Variants in ASTN2 observed in about 807,000 individuals in gnomAD.
ASTN2 encodes the protein astrotactin-2.
Under a neutral mutation model 139.8 loss-of-function variants are expected in ASTN2, and 54 were observed. The ratio of observed to expected loss-of-function variants is 0.39; its 90% CI spans 0.31 to 0.48. ASTN2 has a LOEUF of 0.48. Ranked by LOEUF, ASTN2 falls within the 20% of genes least tolerant of loss-of-function variation. The pLI, the probability that ASTN2 is intolerant of heterozygous loss-of-function variation, is 0.95. For synonymous variants in ASTN2, 756 were observed against 719.5 expected (o/e 1.05, Z -0.81); for missense variants, 1,565 against 1,725.1 (o/e 0.91, Z 1.64).
At chr9:117,051,535 T>A (rs1213995019) in intron 5 of ASTN2, among the ~76,000 whole-genome samples, 1 of 152,276 alleles carries the variant, frequency 6.6e-6, no homozygotes, top group East Asian at 1.9e-4. Context: ...CCTACAACTA[T>A]AACCAGCTGA....
rs1295776252 is a variant in ASTN2 at position 117,234,113 on chromosome 9, A to C, written c.631-19371T>G. On this transcript the variant is annotated intron_variant, in intron 2 of 22. Coordinates refer to ENST00000313400, the MANE Select transcript of ASTN2 (RefSeq NM_001365068.1). ...CAAAAGCTGAGCAGCAGAAAGGGGG[A>C]GTTAGATGAGATGGTATGGACTATG... is the stretch of plus-strand genomic sequence containing the variant. Among the ~76,000 whole-genome samples, 4 of 151,906 alleles carry C rather than the reference A, an allele frequency of 2.6e-5. No individual in the cohort carries two copies. In the East Asian group the frequency reaches 7.7e-4, roughly 29 times the overall value.
intron 11 of ASTN2, among the ~76,000 whole-genome samples, chr9:116,856,880 T>C (rs572661792): frequency 5.7e-4 from 87 of 152,202 alleles, no homozygotes; most frequent in Non-Finnish European, 1.1e-3. Flanking sequence ...GGCTAAGAAC[T>C]GACCACAGAG....
rs142504802 is a variant in ASTN2, at chr9:116,812,474, T to C, written c.2208-6654A>G. Among the ~76,000 whole-genome samples the C allele has an allele frequency of 7.4e-3, 1,122 of 152,234 alleles. 4 individuals carry two copies. The highest frequency in any genetic ancestry group is 0.011 in the Non-Finnish European group (781 of 68,002). On this transcript the variant is annotated intron_variant, in intron 12 of 22. Coordinates refer to ENST00000313400, the MANE Select transcript of ASTN2 (RefSeq NM_001365068.1). ...AATGAATGCAGATGCTCCCTAGCAG[T>C]TGGAAAAGGCAAGGAAATAGATCTT...
intron 1 of ASTN2, among the ~76,000 whole-genome samples, chr9:117,300,105 A>G (rs1310627246): frequency 6.6e-6 from 1 of 152,226 alleles, no homozygotes; most frequent in Non-Finnish European, 1.5e-5. Context: ...TCATCCAACG[A>G]CATACTTCAT....
intron 19 of ASTN2, among the ~76,000 whole-genome samples, chr9:116,509,097 G>C (rs1006464797): frequency 6.6e-6 from 1 of 152,120 alleles, no homozygotes; most frequent in Non-Finnish European, 1.5e-5. Flanking sequence ...CCATGTTGGT[G>C]TGCTGCACCC....
intron 7 of ASTN2, among the ~76,000 whole-genome samples, chr9:116,987,437 C>T (rs2132545793): frequency 6.6e-6 from 1 of 152,290 alleles, no homozygotes; most frequent in Non-Finnish European, 1.5e-5. Flanking sequence ...CAGGGCAACC[C>T]TTTCCACTGG....
chr9:117,226,614 T>TTTGTTTG (rs10646862), intron 2 of ASTN2, among the ~76,000 whole-genome samples: 16 of 148,070 alleles, frequency 1.1e-4, no homozygotes, highest in African/African-American at 3.7e-4. Flanking sequence ...TGTTTGTTTG[T>TTTGTTTG]TTTTTTAACA....
intron 10 of ASTN2, among the ~76,000 whole-genome samples, chr9:116,926,451 T>C (rs1834757940): frequency 6.6e-6 from 1 of 152,214 alleles, no homozygotes; most frequent in Non-Finnish European, 1.5e-5. Context: ...CCTCCTTCTT[T>C]TTGGTCCCTG....
At chr9:117,216,270 TG>T (rs1832316286) in intron 2 of ASTN2, among the ~76,000 whole-genome samples, 2 of 152,226 alleles carry the variant, frequency 1.3e-5, no homozygotes, top group Non-Finnish European at 2.9e-5. Flanking sequence ...ATGTTCTATT[TG>T]CAAGACCCTC....
At chr9:116,641,454 A>G (rs1367369945) in intron 17 of ASTN2, among the ~76,000 whole-genome samples, 3 of 152,108 alleles carry the variant, frequency 2.0e-5, no homozygotes, top group Non-Finnish European at 4.4e-5. Flanking sequence ...GGAAAAAAGG[A>G]TAATAATAGC....
rs192537260 is a variant in ASTN2 at position 117,270,947 on chromosome 9, T to A, written c.630+20379A>T. 4.5e-4 allele frequency among the ~76,000 whole-genome samples: 69 copies of A among 152,332 alleles called. 1 individual carries two copies. The East Asian group carries it at 0.011, about 24-fold the overall frequency. ...ACATGAAAATCCTTGTTTTCTAAGA[T>A]CTTCTCTTCAAAGCTTCTCACTCAG... On this transcript the variant is annotated intron_variant, in intron 2 of 22. Coordinates refer to ENST00000313400, the MANE Select transcript of ASTN2 (RefSeq NM_001365068.1).
intron 1 of ASTN2, among the ~76,000 whole-genome samples, chr9:117,401,052 G>A (rs1830814368): frequency 6.6e-6 from 1 of 152,148 alleles, no homozygotes; most frequent in African/African-American, 2.4e-5. Context: ...GAGCACATAG[G>A]TAGCATGTAC....
intron 1 of ASTN2, among the ~76,000 whole-genome samples, chr9:117,391,129 A>C (rs922521062): frequency 3.9e-5 from 6 of 152,184 alleles, no homozygotes; most frequent in African/African-American, 1.4e-4. Context: ...AGGGAACCCT[A>C]GGAATCTGAG....
intron 10 of ASTN2, among the ~76,000 whole-genome samples, chr9:116,954,804 C>A (rs866834796): frequency 1.3e-5 from 2 of 152,192 alleles, no homozygotes; most frequent in East Asian, 3.9e-4. Context: ...TGCAATGGCT[C>A]TCAAAGTATG....
intron 16 of ASTN2, among the ~76,000 whole-genome samples, chr9:116,687,580 T>TGAGGAGATCC (rs1251082742): frequency 3.4e-4 from 27 of 79,604 alleles, no homozygotes; most frequent in Non-Finnish European, 5.8e-4. Flanking sequence ...TTCGTGGGGC[T>TGAGGAGATCC]GAGGAGATCC....
In ASTN2 at chr9:116,945,030, A is replaced by C. The variant is rs118070509; in HGVS notation, c.1889+30178T>G. Among the ~76,000 whole-genome samples the C allele has an allele frequency of 7.3e-3, 1,116 of 152,288 alleles. 7 individuals carry two copies. The highest frequency in any genetic ancestry group is 0.051 in the Middle Eastern group (15 of 294). On this transcript the variant is annotated intron_variant, in intron 10 of 22. Transcript: ENST00000313400. The stretch of plus-strand genomic sequence containing the variant: ...TCATCAAGATCTATCCTTTCCATCT[A>C]TCCACTCTGGCATGTTCAGCGGTGG...
At chr9:116,923,278 C>T (rs1834664539) in intron 10 of ASTN2, among the ~76,000 whole-genome samples, 1 of 152,158 alleles carries the variant, frequency 6.6e-6, no homozygotes, top group Admixed American at 6.5e-5. Context: ...GAGGTTATCA[C>T]CACAGCCAGC....
At chr9:116,997,735 TA>T (rs538939238) in intron 7 of ASTN2, among the ~76,000 whole-genome samples, 86 of 152,274 alleles carry the variant, frequency 5.6e-4, no homozygotes, top group Middle Eastern at 3.4e-3. Context: ...GAAGCAAAAA[TA>T]ACTACCTAGA....
intron 16 of ASTN2, chr9:116,687,188 G>C: frequency 9.6e-7 from 1 of 1,040,964 alleles, no homozygotes. Context: ...GCTCACCCCT[G>C]CAGGGCCGCC....
Sources: gnomAD v4.1 joint callset for allele counts (sites outside exome capture counted in the v4.1 genomes callset) on GRCh38, gnomAD v4.1.1 for gene constraint, MANE v1.5 for transcripts, NCBI Gene and HGNC (gene_info 2026-07-23, HGNC 2026-07-21) for gene names.